LUZP2: variants seen among roughly 807,000 people sequenced by gnomAD.
LUZP2 encodes the protein leucine zipper protein 2.
In LUZP2, 52 loss-of-function variants were observed where a neutral mutation model predicts 51.6. The ratio of observed to expected loss-of-function variants is 1.01; its 90% CI spans 0.81 to 1.27. The LOEUF is 1.27. LUZP2 is among the 50% of genes most tolerant of loss of function. The pLI is 0.00. For synonymous variants in LUZP2, 154 were observed against 137.3 expected (o/e 1.12, Z -0.85); for missense variants, 436 against 395.4 (o/e 1.10, Z -0.87).
chr11:24,544,342 C>G (rs1851475346), intron 1 of LUZP2, among the ~76,000 whole-genome samples: 2 of 151,928 alleles, frequency 1.3e-5, no homozygotes, highest in South Asian at 2.1e-4. Flanking sequence ...TATAGGTAAA[C>G]TTGTGTCATG....
At chr11:24,656,466 A>G (rs1170908094) in intron 1 of LUZP2, among the ~76,000 whole-genome samples, 1 of 152,162 alleles carries the variant, frequency 6.6e-6, no homozygotes, top group African/African-American at 2.4e-5. Flanking sequence ...CCACAAACTT[A>G]GTGTCTTAAA....
At chr11:24,644,891 C>T (rs1855417121) in intron 1 of LUZP2, among the ~76,000 whole-genome samples, 1 of 152,060 alleles carries the variant, frequency 6.6e-6, no homozygotes, top group African/African-American at 2.4e-5. Context: ...TAATTTTTGG[C>T]CAAGCGTTTC....
intron 1 of LUZP2, among the ~76,000 whole-genome samples, chr11:24,654,246 A>C (rs1237963589): frequency 2.6e-5 from 4 of 152,162 alleles, no homozygotes; most frequent in Non-Finnish European, 5.9e-5. Flanking sequence ...ATTCAATAAA[A>C]TATCCCTAAT....
intron 1 of LUZP2, among the ~76,000 whole-genome samples, chr11:24,686,038 T>G (rs1381889186): frequency 6.6e-6 from 1 of 152,182 alleles, no homozygotes; most frequent in Non-Finnish European, 1.5e-5. Context: ...CTCTCAAATT[T>G]ACGAAATCAT....
intron 9 of LUZP2, among the ~76,000 whole-genome samples, chr11:25,018,544 T>G (rs1857230780): frequency 6.6e-6 from 1 of 152,066 alleles, no homozygotes; most frequent in South Asian, 2.1e-4. Flanking sequence ...AGCATGGACT[T>G]ATAGTTACTT....
chr11:24,798,652 C>T (rs1238037164), intron 5 of LUZP2, among the ~76,000 whole-genome samples: 1 of 152,062 alleles, frequency 6.6e-6, no homozygotes, highest in Non-Finnish European at 1.5e-5. Flanking sequence ...ATTATCTGTG[C>T]AGAATGGGCG....
At chr11:24,900,708 A>C (rs1017879081) in intron 5 of LUZP2, among the ~76,000 whole-genome samples, 14 of 152,160 alleles carry the variant, frequency 9.2e-5, no homozygotes, top group African/African-American at 3.1e-4. Context: ...CAAACACAGC[A>C]AACACCGAGC....
At chr11:24,979,358 A>G (rs1855964328) in intron 8 of LUZP2, among the ~76,000 whole-genome samples, 1 of 151,800 alleles carries the variant, frequency 6.6e-6, no homozygotes, top group Non-Finnish European at 1.5e-5. Context: ...ATAGCCATAA[A>G]GTTAGATAGA....
At chr11:24,725,015 T>C (rs1233947229) in intron 1 of LUZP2, among the ~76,000 whole-genome samples, 3 of 152,178 alleles carry the variant, frequency 2.0e-5, no homozygotes, top group African/African-American at 7.2e-5. Context: ...TGGTAAGGTG[T>C]GTGATTGTTA....
intron 9 of LUZP2, among the ~76,000 whole-genome samples, chr11:25,008,546 G>A (rs1459813524): frequency 2.0e-5 from 3 of 152,186 alleles, no homozygotes; most frequent in Non-Finnish European, 4.4e-5. Flanking sequence ...ACTGGGGCAT[G>A]TGACACCCCA....
At chr11:24,544,500 C>G (rs936683292) in intron 1 of LUZP2, among the ~76,000 whole-genome samples, 1 of 152,016 alleles carries the variant, frequency 6.6e-6, no homozygotes, top group East Asian at 1.9e-4. Context: ...TCCATGAGTT[C>G]TCATCATTTA....
intron 1 of LUZP2, among the ~76,000 whole-genome samples, chr11:24,595,568 T>C (rs1853414238): frequency 6.6e-6 from 1 of 152,216 alleles, no homozygotes; most frequent in Non-Finnish European, 1.5e-5. Flanking sequence ...CATTAGAGGT[T>C]ATTCATCATT....
chr11:24,797,648 C>T (rs1054473291), intron 5 of LUZP2, among the ~76,000 whole-genome samples: 3 of 152,164 alleles, frequency 2.0e-5, no homozygotes, highest in Non-Finnish European at 4.4e-5. Flanking sequence ...TAGAAATGCT[C>T]CCCATCTATT....
chr11:24,848,919 C>G (rs1048557373), intron 5 of LUZP2, among the ~76,000 whole-genome samples: 6 of 151,964 alleles, frequency 3.9e-5, no homozygotes, highest in African/African-American at 1.4e-4. Context: ...AAACTAGGCA[C>G]AGAAAGAGCA....
chr11:24,704,444 GA>G (rs35062774), intron 1 of LUZP2, among the ~76,000 whole-genome samples: 1,733 of 140,470 alleles, frequency 0.012, 33 homozygotes, highest in Admixed American at 0.038. Context: ...TACTAAATCA[GA>G]AAAAAAAAAA....
chr11:24,637,066 T>C (rs1855130091), intron 1 of LUZP2, among the ~76,000 whole-genome samples: 1 of 151,810 alleles, frequency 6.6e-6, no homozygotes, highest in Non-Finnish European at 1.5e-5. Flanking sequence ...CATTAATATA[T>C]AATCTTTTGG....
chr11:24,754,405 C>T (rs1213005316), intron 4 of LUZP2, among the ~76,000 whole-genome samples: 2 of 152,140 alleles, frequency 1.3e-5, no homozygotes, highest in Non-Finnish European at 2.9e-5. Context: ...GGTTAATTTA[C>T]CTGATGTTTT....
intron 5 of LUZP2, among the ~76,000 whole-genome samples, chr11:24,807,503 C>T (rs112079527): frequency 6.8e-6 from 1 of 146,016 alleles, no homozygotes; most frequent in Non-Finnish European, 1.5e-5. Context: ...AATTATTTAA[C>T]AAAGTTATAC....
chr11:24,521,132 C>T (rs1850626406), intron 1 of LUZP2, among the ~76,000 whole-genome samples: 1 of 152,120 alleles, frequency 6.6e-6, no homozygotes, highest in African/African-American at 2.4e-5. Flanking sequence ...GTGCGGATCA[C>T]CTGAGGTCAG....
Sources: gnomAD v4.1 joint callset for allele counts (sites outside exome capture counted in the v4.1 genomes callset) on GRCh38, gnomAD v4.1.1 for gene constraint, MANE v1.5 for transcripts, NCBI Gene and HGNC (gene_info 2026-07-23, HGNC 2026-07-21) for gene names.